Variants in BPIFC observed in about 807,000 individuals in gnomAD.
BPIFC encodes BPI fold-containing family C protein.
BPIFC carries 60 observed loss-of-function variants against 57.6 expected under a neutral mutation model. The ratio of observed to expected loss-of-function variants is 1.04; its 90% confidence interval spans 0.85 to 1.29. The LOEUF (loss-of-function observed/expected upper bound fraction) is 1.29. Among genes scored for constraint, BPIFC ranks in the 50% most tolerant of loss-of-function variants. BPIFC has a pLI of 0.00. For missense variants in BPIFC, 581 were observed against 600.5 expected, an observed-to-expected ratio of 0.97 and a Z score of 0.34; for synonymous variants, 243 against 224.5, an observed-to-expected ratio of 1.08 and a Z score of -0.74.
chr22:32,446,939 T>C (rs1934746564), intron 5 of BPIFC: 1 of 474,680 alleles, frequency 2.1e-6, no homozygotes, highest in Admixed American at 6.4e-5. Context: ...AGCATGCATC[T>C]GTTTCTCTGA....
At chr22:32,462,483 A>G (rs1186625507) in intron 1 of BPIFC, among the ~76,000 whole-genome samples, 2 of 152,228 alleles carry the variant, frequency 1.3e-5, no homozygotes, top group African/African-American at 4.8e-5. Flanking sequence ...TAGTGAAAAA[A>G]ACATAATAAA....
At chr22:32,418,771 TG>T (rs1933754382) in intron 14 of BPIFC, among the ~76,000 whole-genome samples, 5 of 152,270 alleles carry the variant, frequency 3.3e-5, no homozygotes, top group African/African-American at 1.2e-4. Context: ...AACTTCTCTA[TG>T]ATAGTGCCAT....
chr22:32,462,814 T>G (rs1246082546), intron 1 of BPIFC, among the ~76,000 whole-genome samples: 1 of 152,226 alleles, frequency 6.6e-6, no homozygotes, highest in Non-Finnish European at 1.5e-5. Flanking sequence ...TTGACACCAT[T>G]TTCCTTTTTG....
At chr22:32,448,150 T>A (rs1416892224) in intron 4 of BPIFC, among the ~76,000 whole-genome samples, 1 of 151,234 alleles carries the variant, frequency 6.6e-6, no homozygotes, top group Non-Finnish European at 1.5e-5. Flanking sequence ...CTCACTGCAA[T>A]CTCCGCCTCC....
At chr22:32,416,676 G>C (rs1933688007) in intron 15 of BPIFC, among the ~76,000 whole-genome samples, 1 of 152,168 alleles carries the variant, frequency 6.6e-6, no homozygotes, top group Non-Finnish European at 1.5e-5. Context: ...CAAGGAGAAG[G>C]CCCAGGATTG....
intron 13 of BPIFC, among the ~76,000 whole-genome samples, chr22:32,426,297 G>A (rs1385503799): frequency 1.3e-5 from 2 of 152,192 alleles, no homozygotes; most frequent in African/African-American, 4.8e-5. Context: ...GACCAAACCA[G>A]CTCATCTTGA....
chr22:32,446,555 T>G (rs750830633), intron 5 of BPIFC, among the ~76,000 whole-genome samples: 3 of 152,190 alleles, frequency 2.0e-5, no homozygotes, highest in Admixed American at 1.3e-4. Context: ...CTCTACAATC[T>G]ACAAGACTGG....
chr22:32,437,716 G>T, intron 9 of BPIFC, 44 bp downstream of exon 9: 4 of 1,366,122 alleles, frequency 2.9e-6, no homozygotes, highest in Non-Finnish European at 4.2e-6. Flanking sequence ...CTAAATATTG[G>T]CTGTTGACAG....
chr22:32,425,513 G>C (rs1166046389), intron 13 of BPIFC, among the ~76,000 whole-genome samples: 1 of 152,242 alleles, frequency 6.6e-6, no homozygotes, highest in Admixed American at 6.5e-5. Flanking sequence ...CTCTGGAAAT[G>C]ATCTTGTACG....
At chr22:32,423,682 C>A (rs1395557176) in intron 13 of BPIFC, among the ~76,000 whole-genome samples, 9 of 139,904 alleles carry the variant, frequency 6.4e-5, no homozygotes, top group Non-Finnish European at 1.1e-4. Flanking sequence ...AAAAAAAAAA[C>A]AAAAAAACCT....
At chr22:32,445,540 A>C (rs932350909) in intron 7 of BPIFC, 95 bp downstream of exon 7, 26 of 1,338,476 alleles carry the variant, frequency 1.9e-5, no homozygotes, top group East Asian at 1.4e-4. Flanking sequence ...CTGTCTCAAA[A>C]AAACAAACAA....
chr22:32,435,642 A>G, intron 10 of BPIFC, 62 bp downstream of exon 10: 1 of 1,525,046 alleles, frequency 6.6e-7, no homozygotes, highest in East Asian at 2.3e-5. Flanking sequence ...GTTCTACAAT[A>G]GGATACTTAT....
Position 32,432,505 on chromosome 22 carries a change from C to A in BPIFC, c.1017G>T (p.Val339=). The A allele has an allele frequency of 6.2e-7, 1 of 1,614,100 alleles. No individual in the cohort carries two copies. Among genetic ancestry groups the A allele is most frequent in the Non-Finnish European group, 8.5e-7 (1 of 1,180,020 alleles). ...TGGGAGGCTCTGTGGCCATGATCCTCACCATGAAGGGCTGGGACAAGATGT... is the reference window on the plus strand; with the variant it reads ...TGGGAGGCTCTGTGGCCATGATCCTAACCATGAAGGGCTGGGACAAGATGT... The part of the protein sequence containing the change: ...EIYILSQPFM[V]RIMATEPPII... Residue 339 remains valine, a synonymous_variant, in exon 12 of 17, where the codon GTG becomes GTT. Coordinates refer to ENST00000300399, the MANE Select transcript of BPIFC (RefSeq NM_174932.3).
intron 3 of BPIFC, among the ~76,000 whole-genome samples, chr22:32,455,910 T>A (rs1480731305): frequency 6.6e-6 from 1 of 152,236 alleles, no homozygotes; most frequent in Non-Finnish European, 1.5e-5. Flanking sequence ...GCCCATGCTA[T>A]ATTTCCTGTG....
Position 32,445,890 on chromosome 22 carries a change from A to T in BPIFC, c.481T>A (p.Cys161Ser). 1 of 1,614,064 alleles carries T rather than the reference A, an allele frequency of 6.2e-7. No homozygotes were observed. The highest frequency in any genetic ancestry group is 8.5e-7 in the Non-Finnish European group (1 of 1,180,028). Reference sequence around the variant, plus strand: ...TGGGCATGGCTCAGTTGGGCGTAGCAATCTTGGAGCTTCAGGGTAGGATGA... The same window carrying T: ...TGGGCATGGCTCAGTTGGGCGTAGCTATCTTGGAGCTTCAGGGTAGGATGA... ...FGHPTLKLQD[C>S]YAQLSHAHVS... Residue 161 changes from cysteine (C) to serine (S), a missense_variant, in exon 6 of 17, where the codon TGC (cysteine) becomes AGC (serine). Transcript: ENST00000300399.
rs186539620 is a variant in BPIFC at position 32,461,054 on chromosome 22, C to T, written c.-1+520G>A. On this transcript the variant is annotated intron_variant, in intron 2 of 16. Coordinates refer to ENST00000300399, the MANE Select transcript of BPIFC (RefSeq NM_174932.3). The stretch of plus-strand genomic sequence containing the variant: ...AGGCATCCATCGAAACAGATGTTGG[C>T]CACAGTCCTGGAGCAGGGGCCAGGA... 1.3e-3 allele frequency among the ~76,000 whole-genome samples: 197 copies of T among 152,256 alleles called. 1 individual carries two copies. The highest frequency in any genetic ancestry group is 2.0e-3 in the Non-Finnish European group (133 of 68,032).
intron 4 of BPIFC, among the ~76,000 whole-genome samples, chr22:32,448,891 CGCCCCACTGCACACCA>C (rs2145955857): frequency 6.6e-6 from 1 of 151,752 alleles, no homozygotes; most frequent in South Asian, 2.1e-4. Flanking sequence ...GAGCCGAGAT[CGCCCCACTGCACACCA>C]GCCCGGGTGA....
Position 32,457,306 on chromosome 22 carries a change from G to T in BPIFC, c.81C>A (p.Tyr27Ter). 1 of 1,607,780 alleles carries T rather than the reference G, an allele frequency of 6.2e-7. No homozygotes were observed. The highest frequency in any genetic ancestry group is 1.3e-5 in the African/African-American group (1 of 74,520). The change falls in exon 3 of 17, where the codon TAC becomes TAA. Residue 27 changes from tyrosine to a stop codon, truncating the protein, a stop_gained. Transcript: ENST00000300399. LOFTEE classifies it high-confidence loss of function. ...NLYVSSSQTI[Y>*]PGIKARITQR... ...GAGTAATCCTTGCCTTGATTCCAGG[G>T]TAAATGGTCTGAGAGGATGAGACAT...
chr22:32,437,885 A>G (rs554427288), intron 8 of BPIFC, 34 bp from the exon 9 acceptor site: 115 of 1,349,956 alleles, frequency 8.5e-5, no homozygotes, highest in Middle Eastern at 1.8e-4. Context: ...GAAAATCCAT[A>G]TTCATTAAAG....
Sources: gnomAD v4.1 joint callset for allele counts (sites outside exome capture counted in the v4.1 genomes callset) on GRCh38, gnomAD v4.1.1 for gene constraint, MANE v1.5 for transcripts, NCBI Gene and HGNC (gene_info 2026-07-23, HGNC 2026-07-21) for gene names.